The following CYRIB variants were observed in gnomAD, a reference collection of about 807,000 sequenced individuals.
The protein encoded by CYRIB is CYFIP-related Rac1 interactor B.
CYRIB carries 8 observed loss-of-function variants against 44.2 expected under a neutral mutation model. The observed-to-expected ratio is 0.18, with a 90% confidence interval of 0.11 to 0.33. The LOEUF (loss-of-function observed/expected upper bound fraction) is 0.33, where lower values mean the gene tolerates loss of function less well. Among genes scored for constraint, CYRIB ranks in the 10% least tolerant of loss-of-function variants. CYRIB has a pLI of 1.00. For missense variants in CYRIB, 185 were observed against 382.8 expected, an observed-to-expected ratio of 0.48 and a Z score of 4.31; for synonymous variants, 131 against 127.2, an observed-to-expected ratio of 1.03 and a Z score of -0.20.
In CYRIB at chr8:129,975,840, C is replaced by T. The variant is rs183461654; in HGVS notation, c.-295-4845G>A. Among the ~76,000 whole-genome samples the T allele has an allele frequency of 1.1e-4, 16 of 152,236 alleles. No homozygotes were observed. In the East Asian group the frequency reaches 1.7e-3, roughly 17 times the overall value. ...GTCCAGAGTTTAAAAATACTGCAGCCGGGTCCCCACTCTGCATAATTAAAC... is the reference window on the plus strand; with the variant it reads ...GTCCAGAGTTTAAAAATACTGCAGCTGGGTCCCCACTCTGCATAATTAAAC... On this transcript the variant is annotated intron_variant, in intron 1 of 14. Transcript: ENST00000401979.
chr8:129,872,056 CAT>C (rs1226557643), intron 3 of CYRIB, among the ~76,000 whole-genome samples: 1 of 152,054 alleles, frequency 6.6e-6, no homozygotes, highest in East Asian at 1.9e-4. Flanking sequence ...AGTGTCTCAA[CAT>C]ATATGATATT....
At chr8:129,889,821 CAG>C (rs1052094033) in intron 2 of CYRIB, among the ~76,000 whole-genome samples, 5 of 148,000 alleles carry the variant, frequency 3.4e-5, no homozygotes, top group Admixed American at 6.8e-5. Context: ...TCTTTTGAGA[CAG>C]AGTTTCCACC....
At chr8:129,905,953 T>C (rs1005894626) in intron 1 of CYRIB, among the ~76,000 whole-genome samples, 5 of 152,064 alleles carry the variant, frequency 3.3e-5, no homozygotes, top group African/African-American at 1.2e-4. Flanking sequence ...CTTGCCTCCA[T>C]ACAAACAAAT....
chr8:129,906,947 A>C (rs562482512), intron 1 of CYRIB, among the ~76,000 whole-genome samples: 3 of 152,296 alleles, frequency 2.0e-5, no homozygotes, highest in Non-Finnish European at 4.4e-5. Flanking sequence ...AAGTCAGGAA[A>C]CGACAGGTGC....
At chr8:129,842,501 T>C (rs1452540592) in intron 11 of CYRIB, among the ~76,000 whole-genome samples, 1 of 152,176 alleles carries the variant, frequency 6.6e-6, no homozygotes, top group African/African-American at 2.4e-5. Flanking sequence ...CAGAAGAAAA[T>C]GCTGTTCTAT....
chr8:129,959,963 T>G (rs2095141284), intron 2 of CYRIB, among the ~76,000 whole-genome samples: 1 of 152,130 alleles, frequency 6.6e-6, no homozygotes, highest in Admixed American at 6.5e-5. Context: ...CAGACAGAAG[T>G]ACAGAGCTGG....
At chr8:129,923,326 G>A (rs542996730) in intron 1 of CYRIB, among the ~76,000 whole-genome samples, 4 of 151,728 alleles carry the variant, frequency 2.6e-5, no homozygotes, top group Admixed American at 6.6e-5. Flanking sequence ...CCAGGCTGGA[G>A]TGCAATGGTA....
At chr8:129,869,780 T>C (rs16904164) in intron 4 of CYRIB, among the ~76,000 whole-genome samples, 2,218 of 152,238 alleles carry the variant, frequency 0.015, 54 homozygotes, top group African/African-American at 0.05. Flanking sequence ...AAGTTTACAA[T>C]GTACTAGGTG....
chr8:129,985,412 C>A (rs531071673), intron 1 of CYRIB, among the ~76,000 whole-genome samples: 1 of 152,244 alleles, frequency 6.6e-6, no homozygotes, highest in East Asian at 1.9e-4. Flanking sequence ...TGAAATTCCC[C>A]AGGCTCCATG....
intron 2 of CYRIB, among the ~76,000 whole-genome samples, chr8:129,888,194 T>C (rs1316296776): frequency 6.6e-6 from 1 of 152,172 alleles, no homozygotes; most frequent in Non-Finnish European, 1.5e-5. Flanking sequence ...TCATGAGATC[T>C]GGTTCTTTTA....
rs766725742 is a variant in CYRIB at position 129,858,776 on chromosome 8, A to G, written c.302-3029T>C. 2.2e-4 allele frequency among the ~76,000 whole-genome samples: 33 copies of G among 152,280 alleles called. 1 individual carries two copies. The highest frequency in any genetic ancestry group is 7.5e-4 in the African/African-American group (31 of 41,570). On this transcript the variant is annotated intron_variant, in intron 5 of 11. Coordinates refer to ENST00000519824, the Ensembl canonical transcript of CYRIB. Reference sequence around the variant, plus strand: ...TGTAAGCCCCTAAAGCATGAGCAAGACTGAGGGGAGACAAAGCAGTTTGTC... The same window carrying G: ...TGTAAGCCCCTAAAGCATGAGCAAGGCTGAGGGGAGACAAAGCAGTTTGTC...
At chr8:130,001,317 G>A (rs915654637) in intron 1 of CYRIB, among the ~76,000 whole-genome samples, 2 of 152,054 alleles carry the variant, frequency 1.3e-5, no homozygotes, top group Non-Finnish European at 2.9e-5. Context: ...CTCCCTGGAC[G>A]TCCAGGAGGC....
chr8:129,998,332 G>A (rs1025189116), intron 1 of CYRIB, among the ~76,000 whole-genome samples: 1 of 152,060 alleles, frequency 6.6e-6, no homozygotes, highest in Admixed American at 6.6e-5. Flanking sequence ...AATATATGGG[G>A]GTCTGGTCTG....
chr8:129,908,484 A>AT (rs1180215861), intron 1 of CYRIB, among the ~76,000 whole-genome samples: 1 of 152,172 alleles, frequency 6.6e-6, no homozygotes, highest in Non-Finnish European at 1.5e-5. Context: ...TAAAATGCAG[A>AT]TTTTCACTTA....
intron 2 of CYRIB, among the ~76,000 whole-genome samples, chr8:129,894,855 G>A (rs1054910888): frequency 1.3e-5 from 2 of 151,608 alleles, no homozygotes; most frequent in Admixed American, 1.3e-4. Context: ...AGAGTGGTAA[G>A]TTTTCCTAAC....
At chr8:129,956,535 GCACA>G (rs146683281) in intron 2 of CYRIB, among the ~76,000 whole-genome samples, 49 of 149,498 alleles carry the variant, frequency 3.3e-4, no homozygotes, top group South Asian at 1.7e-3. Flanking sequence ...CTTTGTGTTT[GCACA>G]CACACACACA....
intron 2 of CYRIB, among the ~76,000 whole-genome samples, chr8:129,882,715 C>T (rs1367265566): frequency 6.6e-6 from 1 of 152,166 alleles, no homozygotes; most frequent in East Asian, 1.9e-4. Context: ...CATTTTCCTA[C>T]AGCTCGTTCT....
intron 1 of CYRIB, among the ~76,000 whole-genome samples, chr8:129,981,838 A>G (rs1429328078): frequency 1.3e-5 from 2 of 152,170 alleles, no homozygotes. Flanking sequence ...CAGTTCAGGG[A>G]GCCTGCTGTC....
At chr8:129,990,580 G>C (rs2096607413) in intron 1 of CYRIB, among the ~76,000 whole-genome samples, 1 of 151,900 alleles carries the variant, frequency 6.6e-6, no homozygotes, top group South Asian at 2.1e-4. Flanking sequence ...AGAGTGTAGT[G>C]GCAGGATCAC....
Sources: allele counts gnomAD v4.1 joint callset (sites outside exome capture counted in the v4.1 genomes callset), GRCh38; gene constraint gnomAD v4.1.1; transcripts MANE v1.5; gene names NCBI Gene and HGNC (gene_info 2026-07-23, HGNC 2026-07-21).